HIP1: variants seen among roughly 807,000 people sequenced by gnomAD.
HIP1 encodes the protein huntingtin-interacting protein 1.
In HIP1, 65 loss-of-function variants were observed where a neutral mutation model predicts 147.6. That is an observed-to-expected ratio of 0.44 (90% CI 0.36 to 0.54). The LOEUF is 0.54. Among genes scored for constraint, HIP1 ranks in the 20% least tolerant of loss-of-function variants. The pLI is 0.00. For synonymous variants in HIP1, 479 were observed against 504.0 expected (o/e 0.95, Z 0.67); for missense variants, 1,061 against 1,299.6 (o/e 0.82, Z 2.82).
At chr7:75,647,051 C>T (rs1437690711) in intron 1 of HIP1, among the ~76,000 whole-genome samples, 1 of 151,872 alleles carries the variant, frequency 6.6e-6, no homozygotes, top group Non-Finnish European at 1.5e-5. Flanking sequence ...GTACCCCTCT[C>T]ACTCTGGTAC....
At chr7:75,694,058 T>C (rs1297283886) in intron 1 of HIP1, among the ~76,000 whole-genome samples, 2 of 151,726 alleles carry the variant, frequency 1.3e-5, no homozygotes, top group Non-Finnish European at 2.9e-5. Flanking sequence ...TAGCTGGGAT[T>C]ACAGGCACGT....
chr7:75,692,574 C>T (rs1800498412), intron 1 of HIP1, among the ~76,000 whole-genome samples: 3 of 145,692 alleles, frequency 2.1e-5, no homozygotes, highest in Non-Finnish European at 4.5e-5. Flanking sequence ...GCATGAACCA[C>T]CACGCCTGGC....
intron 1 of HIP1, among the ~76,000 whole-genome samples, chr7:75,624,040 C>T (rs1255852972): frequency 1.3e-5 from 2 of 152,152 alleles, no homozygotes; most frequent in East Asian, 3.9e-4. Flanking sequence ...ATGATCGTGC[C>T]ACTGCACTCC....
chr7:75,690,206 G>A (rs1158742995), intron 1 of HIP1, among the ~76,000 whole-genome samples: 3 of 151,998 alleles, frequency 2.0e-5, no homozygotes, highest in Non-Finnish European at 4.4e-5. Flanking sequence ...TGAGCACAAG[G>A]CTGCTCAGGC....
At chr7:75,591,284 C>T (rs587755259) in intron 4 of HIP1, among the ~76,000 whole-genome samples, 9 of 152,166 alleles carry the variant, frequency 5.9e-5, no homozygotes, top group South Asian at 2.1e-4. Flanking sequence ...CTGCTTGCCT[C>T]GGCCTCCTAA....
intron 25 of HIP1, among the ~76,000 whole-genome samples, chr7:75,546,228 T>A (rs1794558469): frequency 6.6e-6 from 1 of 152,164 alleles, no homozygotes; most frequent in Non-Finnish European, 1.5e-5. Context: ...CTACTTGGAT[T>A]TGAAAAATGT....
At chr7:75,672,141 G>T (rs939955450) in intron 1 of HIP1, among the ~76,000 whole-genome samples, 7 of 152,160 alleles carry the variant, frequency 4.6e-5, no homozygotes, top group Non-Finnish European at 1.0e-4. Flanking sequence ...ACCTTTGCAT[G>T]TGCTTATTGA....
intron 15 of HIP1, 30 bp from the exon 16 acceptor site, chr7:75,557,800 G>C: frequency 6.6e-7 from 1 of 1,520,354 alleles, no homozygotes; most frequent in Non-Finnish European, 9.1e-7. Flanking sequence ...TCTTGAACCA[G>C]GAGATCCCAG....
At chr7:75,602,984 A>T (rs1797064099) in intron 1 of HIP1, among the ~76,000 whole-genome samples, 1 of 151,942 alleles carries the variant, frequency 6.6e-6, no homozygotes, top group African/African-American at 2.4e-5. Context: ...ATGAAATGAG[A>T]CAGAGATGAG....
chr7:75,540,058 T>A (rs1367680896), intron 29 of HIP1, among the ~76,000 whole-genome samples: 1 of 152,188 alleles, frequency 6.6e-6, no homozygotes, highest in Non-Finnish European at 1.5e-5. Flanking sequence ...GCCTGGAAAA[T>A]CTTACTATAA....
rs782052218 is a variant in HIP1, at chr7:75,559,908, C to A, written c.1199G>T (p.Arg400Leu). The A allele has an allele frequency of 1.2e-6, 2 of 1,601,754 alleles. No individual in the cohort carries two copies. The highest frequency in any genetic ancestry group is 2.7e-5 in the African/African-American group (2 of 74,884). The change falls in exon 14 of 31, where the codon CGG becomes CTG. Residue 400 changes from arginine (R) to leucine (L), a missense_variant. Coordinates refer to ENST00000336926, the MANE Select transcript of HIP1 (RefSeq NM_005338.7). ...QLENMKTESQ[R>L]VVLQLKGHVS... is the part of the protein sequence containing the mutation. ...GTGGCCCTTCAGCTGCAGCACAACC[C>A]GCTGGCTCTGTGGGGGGACTCCGGT...
At chr7:75,597,987 G>A (rs1476346208) in intron 2 of HIP1, among the ~76,000 whole-genome samples, 1 of 152,118 alleles carries the variant, frequency 6.6e-6, no homozygotes, top group African/African-American at 2.4e-5. Context: ...GGCTTACAGA[G>A]GGCTTTCAAG....
At chr7:75,625,881 G>C (rs587644963) in intron 1 of HIP1, 1 of 151,846 alleles carries the variant, frequency 6.6e-6, no homozygotes, top group Non-Finnish European at 1.5e-5. Flanking sequence ...GGCCAGCCTG[G>C]GTAACATGGT....
At chr7:75,632,515 G>A (rs1554509086) in intron 1 of HIP1, among the ~76,000 whole-genome samples, 2 of 151,406 alleles carry the variant, frequency 1.3e-5, no homozygotes, top group African/African-American at 4.9e-5. Flanking sequence ...AGCCTCCCGA[G>A]TAGCTGAGAT....
intron 8 of HIP1, among the ~76,000 whole-genome samples, chr7:75,571,289 C>T (rs1316455303): frequency 6.6e-6 from 1 of 152,102 alleles, no homozygotes; most frequent in African/African-American, 2.4e-5. Flanking sequence ...TACTTGGAAA[C>T]AATGAAAAGT....
At chr7:75,554,255 G>T (rs1794906531) in intron 20 of HIP1, 35 bp from the exon 21 acceptor site, 1 of 1,554,432 alleles carries the variant, frequency 6.4e-7, no homozygotes, top group Non-Finnish European at 8.9e-7. Flanking sequence ...TCTCAGGTCT[G>T]GTTGATGGTG....
At chr7:75,564,324 C>T (rs1214480091) in intron 9 of HIP1, among the ~76,000 whole-genome samples, 1 of 152,040 alleles carries the variant, frequency 6.6e-6, no homozygotes, top group Admixed American at 6.6e-5. Context: ...GATGGAGTGT[C>T]GCTCTTATTG....
chr7:75,719,550 C>T (rs143033455), intron 1 of HIP1, among the ~76,000 whole-genome samples: 277 of 151,946 alleles, frequency 1.8e-3, no homozygotes, highest in African/African-American at 6.4e-3. Flanking sequence ...TTTCTCAATG[C>T]TCACATACAT....
intron 1 of HIP1, among the ~76,000 whole-genome samples, chr7:75,668,607 G>A (rs1245257067): frequency 2.0e-5 from 3 of 151,910 alleles, no homozygotes; most frequent in Non-Finnish European, 2.9e-5. Context: ...TTACAGGCAT[G>A]AGCCACCACC....
Sources: allele counts gnomAD v4.1 joint callset (sites outside exome capture counted in the v4.1 genomes callset), GRCh38; gene constraint gnomAD v4.1.1; transcripts MANE v1.5; gene names NCBI Gene and HGNC (gene_info 2026-07-23, HGNC 2026-07-21).